TENM3: variants seen among roughly 807,000 people sequenced by gnomAD.
The protein encoded by TENM3 is teneurin transmembrane protein 3, also known as teneurin-3.
TENM3 carries 63 observed loss-of-function variants against 255.1 expected under a neutral mutation model. The observed-to-expected ratio is 0.25, with a 90% CI of 0.20 to 0.30. The LOEUF is 0.30. Ranked by LOEUF, TENM3 falls within the 10% of genes least tolerant of loss-of-function variation. The probability of loss-of-function intolerance (pLI) is 1.00; values close to 1 mark genes in which losing one functional copy is unlikely to be tolerated. For synonymous variants in TENM3, 1,306 were observed against 1,322.3 expected, an observed-to-expected ratio of 0.99 and a Z score of 0.27; for missense variants, 2,929 against 3,461.1, an observed-to-expected ratio of 0.85 and a Z score of 3.86.
the TENM3 span, among the ~76,000 whole-genome samples, chr4:181,722,738 G>T: frequency 6.6e-6 from 1 of 152,124 alleles, no homozygotes; most frequent in Admixed American, 6.5e-5. Context: ...GATACAATCT[G>T]TCTCCTTTTT....
the TENM3 span, among the ~76,000 whole-genome samples, chr4:181,566,865 T>A: frequency 6.6e-6 from 1 of 152,220 alleles, no homozygotes; most frequent in South Asian, 2.1e-4. Context: ...CATCACTCTA[T>A]GTCCATGAGA....
chr4:182,701,203 C>A (rs1352500203), intron 12 of TENM3, among the ~76,000 whole-genome samples: 3 of 86,364 alleles, frequency 3.5e-5, no homozygotes, highest in African/African-American at 1.3e-4. Flanking sequence ...TACAGTCCAA[C>A]TCTTGACTTT....
the TENM3 span, among the ~76,000 whole-genome samples, chr4:181,611,027 A>G: frequency 6.6e-6 from 1 of 152,368 alleles, no homozygotes; most frequent in South Asian, 2.1e-4. Context: ...CCAAATTAGT[A>G]GGTTTCACAA....
intron 3 of TENM3, among the ~76,000 whole-genome samples, chr4:182,397,398 TAAAAAAAAAAAAAAA>T (rs144177808): frequency 5.3e-4 from 26 of 48,972 alleles, no homozygotes; most frequent in Admixed American, 2.0e-3. Flanking sequence ...AGACTCCATC[TAAAAAAAAAAAAAAA>T]AAAAAAAAAA....
At chr4:182,259,557 T>G (rs917003078) in intron 1 of TENM3, among the ~76,000 whole-genome samples, 1 of 152,128 alleles carries the variant, frequency 6.6e-6, no homozygotes, top group Admixed American at 6.5e-5. Context: ...AAGCAAGCAT[T>G]CTGCCTCTGC....
At chr4:182,618,232 T>C (rs1749733023) in intron 4 of TENM3, among the ~76,000 whole-genome samples, 1 of 152,150 alleles carries the variant, frequency 6.6e-6, no homozygotes, top group African/African-American at 2.4e-5. Context: ...AATAATGCTA[T>C]AACACATTTT....
chr4:182,768,041 G>A (rs929174546), intron 22 of TENM3, among the ~76,000 whole-genome samples: 1 of 152,206 alleles, frequency 6.6e-6, no homozygotes, highest in Non-Finnish European at 1.5e-5. Context: ...CTGGTCTCGT[G>A]TTTGAGTCGG....
chr4:182,461,085 C>G (rs1020865379), intron 3 of TENM3, among the ~76,000 whole-genome samples: 1 of 152,178 alleles, frequency 6.6e-6, no homozygotes, highest in African/African-American at 2.4e-5. Flanking sequence ...ACTCTAAAAA[C>G]CAGATTTTTT....
intron 2 of TENM3, among the ~76,000 whole-genome samples, chr4:182,326,108 G>A (rs1204527455): frequency 6.6e-6 from 1 of 152,218 alleles, no homozygotes; most frequent in South Asian, 2.1e-4. Flanking sequence ...GCGCCAGGCG[G>A]CCAGGGAGGC....
At chr4:181,530,569 G>GCTAA in the TENM3 span, among the ~76,000 whole-genome samples, 1 of 152,144 alleles carries the variant, frequency 6.6e-6, no homozygotes, top group Non-Finnish European at 1.5e-5. Flanking sequence ...TCCCCCCATT[G>GCTAA]CTAACAGTCG....
chr4:182,036,547 C>A, the TENM3 span, among the ~76,000 whole-genome samples: 1 of 152,128 alleles, frequency 6.6e-6, no homozygotes, highest in Non-Finnish European at 1.5e-5. Context: ...GGCTTTATAT[C>A]CCCCAAACCC....
chr4:181,592,256 A>AACACACACACACACACACACACACACAC, the TENM3 span, among the ~76,000 whole-genome samples: 1,011 of 148,392 alleles, frequency 6.8e-3, 6 homozygotes, highest in South Asian at 9.4e-3. Context: ...TTTAAACACA[A>AACACACACACACACACACACACACACAC]ACACACACAC....
At chr4:182,323,630 T>C (rs1280539026) in intron 1 of TENM3, among the ~76,000 whole-genome samples, 1 of 152,214 alleles carries the variant, frequency 6.6e-6, no homozygotes, top group Non-Finnish European at 1.5e-5. Context: ...AACAAACTAT[T>C]GAAGCCAATT....
At chr4:181,527,805 T>C in the TENM3 span, among the ~76,000 whole-genome samples, 1 of 115,788 alleles carries the variant, frequency 8.6e-6, no homozygotes, top group Admixed American at 8.8e-5. Context: ...GCTTGTAGTC[T>C]TTTTTTTCGT....
chr4:181,786,231 ACC>A, the TENM3 span, among the ~76,000 whole-genome samples: 5 of 152,324 alleles, frequency 3.3e-5, no homozygotes, highest in Admixed American at 3.3e-4. Context: ...GTTATGTGGT[ACC>A]AAAAAGGCAT....
chr4:182,655,444 A>G (rs983364683), intron 6 of TENM3, among the ~76,000 whole-genome samples: 5 of 152,142 alleles, frequency 3.3e-5, no homozygotes, highest in African/African-American at 7.2e-5. Flanking sequence ...CATGATACTG[A>G]GAAAGCTGTG....
intron 3 of TENM3, among the ~76,000 whole-genome samples, chr4:182,450,139 C>G (rs188505148): frequency 2.3e-4 from 35 of 152,310 alleles, no homozygotes; most frequent in African/African-American, 7.9e-4. Flanking sequence ...GAAATACTTT[C>G]AGTAATTGAA....
chr4:182,176,219 A>G (rs1752480988), intron 1 of TENM3, among the ~76,000 whole-genome samples: 1 of 152,194 alleles, frequency 6.6e-6, no homozygotes, highest in Admixed American at 6.5e-5. Context: ...GAATGAATAT[A>G]TAAATGGCAC....
At chr4:182,657,318 C>G (rs1297581211) in intron 6 of TENM3, among the ~76,000 whole-genome samples, 1 of 152,158 alleles carries the variant, frequency 6.6e-6, no homozygotes, top group African/African-American at 2.4e-5. Flanking sequence ...GATCTTCCTG[C>G]TATACTCAAA....
Sources: allele counts gnomAD v4.1 joint callset (sites outside exome capture counted in the v4.1 genomes callset), GRCh38; gene constraint gnomAD v4.1.1; transcripts MANE v1.5; gene names NCBI Gene and HGNC (gene_info 2026-07-23, HGNC 2026-07-21).